The following RAP1GAP2 variants were observed in gnomAD, a reference collection of about 807,000 sequenced individuals.
RAP1GAP2 encodes the protein RAP1 GTPase activating protein 2.
In RAP1GAP2, 27 loss-of-function variants were observed where a neutral mutation model predicts 95.0. The observed-to-expected ratio is 0.28, with a 90% CI of 0.21 to 0.39. The LOEUF is 0.39. Among genes scored for constraint, RAP1GAP2 ranks in the 10% least tolerant of loss-of-function variants. The pLI is 1.00. For missense variants in RAP1GAP2, 771 were observed against 970.0 expected, an observed-to-expected ratio of 0.79 and a Z score of 2.72; for synonymous variants, 373 against 380.9, an observed-to-expected ratio of 0.98 and a Z score of 0.24.
In RAP1GAP2 at chr17:2,855,687, A is replaced by G. The variant is rs2072104209; in HGVS notation, c.81-49597A>G. Among the ~76,000 whole-genome samples the G allele has an allele frequency of 2.6e-5, 4 of 152,260 alleles. No individual in the cohort carries two copies. The highest frequency in any genetic ancestry group is 2.6e-4 in the Admixed American group (4 of 15,284). ...GAGTACAGTGGCGCCATCTCGGCCC[A>G]CTGCAACCTCCACCTCCTGGGCTCA... On this transcript the variant is annotated intron_variant, in intron 2 of 24. Transcript: ENST00000254695. The surrounding 1 kb of genome is among the most constrained non-coding windows in gnomAD (Gnocchi z 4.3).
In RAP1GAP2 at chr17:3,004,493, G is replaced by T. The variant is rs79384703; in HGVS notation, c.1201-876G>T. Among the ~76,000 whole-genome samples the T allele has an allele frequency of 2.0e-4, 31 of 152,302 alleles. No homozygotes were observed. Among genetic ancestry groups the T allele is most frequent in the Non-Finnish European group, 3.5e-4 (24 of 68,020 alleles). On this transcript the variant is annotated intron_variant, in intron 14 of 24. Coordinates refer to ENST00000254695, the MANE Select transcript of RAP1GAP2 (RefSeq NM_015085.5). The surrounding 1 kb of genome is among the most constrained non-coding windows in gnomAD (Gnocchi z 4.1). ...TGTAGGGAAGGGAGGGCAGTCTCCC[G>T]AGAGCCTCACAGCCTCGTGGGCTGA...
At chr17:2,977,123 CAAAAA>C (rs71377561) in intron 8 of RAP1GAP2, among the ~76,000 whole-genome samples, 1 of 77,668 alleles carries the variant, frequency 1.3e-5, no homozygotes, top group East Asian at 3.7e-4. Context: ...AACTCCATCT[CAAAAA>C]AAAAAAAAAG....
chr17:2,998,509 A>G, intron 14 of RAP1GAP2, 133 bp downstream of exon 14: 1 of 1,171,738 alleles, frequency 8.5e-7, no homozygotes, highest in African/African-American at 1.6e-5. Flanking sequence ...TGGGGTTTGG[A>G]GCTAGATTCT....
intron 2 of RAP1GAP2, among the ~76,000 whole-genome samples, chr17:2,858,042 G>C (rs1292208239): frequency 6.6e-6 from 1 of 152,216 alleles, no homozygotes; most frequent in Non-Finnish European, 1.5e-5. Context: ...TGAGGTTGCA[G>C]TGAGCTGAGA....
chr17:3,031,712 G>A (rs2047309300), intron 23 of RAP1GAP2, among the ~76,000 whole-genome samples: 1 of 145,942 alleles, frequency 6.9e-6, no homozygotes, highest in Non-Finnish European at 1.5e-5. Flanking sequence ...GTCCAGATGT[G>A]AGGTGGGAAG....
intron 18 of RAP1GAP2, 144 bp downstream of exon 18, chr17:3,018,342 G>A (rs943448824): frequency 1.3e-5 from 15 of 1,186,364 alleles, no homozygotes; most frequent in Admixed American, 3.1e-5. Flanking sequence ...GAGGCTGCTT[G>A]GGGGTGACCC....
At chr17:2,943,541 T>C (rs1236827966) in intron 3 of RAP1GAP2, among the ~76,000 whole-genome samples, 1 of 152,064 alleles carries the variant, frequency 6.6e-6, no homozygotes, top group Non-Finnish European at 1.5e-5. Flanking sequence ...GGCACACGCC[T>C]GTAATCTCAG....
rs1295248778 is a variant in RAP1GAP2, at chr17:2,965,703, G to A, written c.596+60G>A. 3.9e-6 allele frequency: 5 copies of A among 1,287,668 alleles called. No individual in the cohort carries two copies. The highest frequency in any genetic ancestry group is 5.5e-6 in the Non-Finnish European group (5 of 906,746). 79.8% of individuals were successfully genotyped at this position (1,287,668 alleles called of 1,614,324 possible). On this transcript the variant is annotated intron_variant, in intron 8 of 24. Coordinates refer to ENST00000254695, the MANE Select transcript of RAP1GAP2 (RefSeq NM_015085.5). This position sits in a 1 kb window ranked among gnomAD's most constrained non-coding sequence, Gnocchi z 4.7. ...TCCAGGCAGGGCTCTCATCGGTGGT[G>A]TGGGGGCTGGGATGGGACTCAGAAA...
chr17:2,927,299 A>C (rs374070106), intron 3 of RAP1GAP2, among the ~76,000 whole-genome samples: 7 of 151,502 alleles, frequency 4.6e-5, no homozygotes, highest in African/African-American at 1.7e-4. Context: ...GACTACAGGC[A>C]CCCGCCACCG....
chr17:2,992,992 C>T (rs1185680012), intron 12 of RAP1GAP2, among the ~76,000 whole-genome samples: 3 of 148,000 alleles, frequency 2.0e-5, no homozygotes, highest in South Asian at 2.1e-4. Flanking sequence ...GGGTGGATCA[C>T]GAGGTCAGGA....
intron 12 of RAP1GAP2, among the ~76,000 whole-genome samples, chr17:2,993,756 C>T (rs1231271524): frequency 1.3e-5 from 2 of 151,738 alleles, no homozygotes; most frequent in Non-Finnish European, 2.9e-5. Context: ...AAAAAACGGC[C>T]AGGCATGGTG....
Position 2,918,909 on chromosome 17 carries a change from T to C in RAP1GAP2, c.165+13541T>C, listed in dbSNP as rs575626382. Among the ~76,000 whole-genome samples, 53 of 152,288 alleles carry C rather than the reference T, an allele frequency of 3.5e-4. 1 individual carries two copies. The highest frequency in any genetic ancestry group is 3.4e-3 in the Middle Eastern group (1 of 294). On this transcript the variant is annotated intron_variant, in intron 3 of 24. Transcript: ENST00000254695. ...GCTTAAAACAGAGGTATGCAGTAAG[T>C]GCTACATAAATATTAGTCATTATTA... is the stretch of plus-strand genomic sequence containing the variant.
In RAP1GAP2 at chr17:2,832,545, G is replaced by A. The variant is rs376036194; in HGVS notation, c.80+31995G>A. Among the ~76,000 whole-genome samples the A allele has an allele frequency of 8.7e-3, 1,117 of 128,070 alleles. 11 individuals carry two copies. The highest frequency in any genetic ancestry group is 0.034 in the Middle Eastern group (6 of 178). 84.0% of individuals were successfully genotyped at this position (128,070 alleles called of 152,430 possible). A position where few individuals can be genotyped will look rare whatever the true frequency, so the allele number is the denominator to read the frequency against. ...TGCACTCCAGCCTGGGCGACAGAGC[G>A]AGACTCCATCTCAAAAAAAAAAAAA... is the stretch of plus-strand genomic sequence containing the variant. On this transcript the variant is annotated intron_variant, in intron 2 of 24. Transcript: ENST00000254695.
intron 2 of RAP1GAP2, among the ~76,000 whole-genome samples, chr17:2,815,908 C>A (rs1036521649): frequency 1.3e-5 from 2 of 152,250 alleles, no homozygotes. Flanking sequence ...ACCCAGGCCT[C>A]CCTGCTGAGG....
At chr17:2,803,572 T>G (rs2069388747) in intron 2 of RAP1GAP2, among the ~76,000 whole-genome samples, 1 of 152,200 alleles carries the variant, frequency 6.6e-6, no homozygotes, top group African/African-American at 2.4e-5. Flanking sequence ...GTGCACTCAT[T>G]CTTCCTGATT....
intron 2 of RAP1GAP2, among the ~76,000 whole-genome samples, chr17:2,831,170 C>A (rs986663986): frequency 7.3e-6 from 1 of 137,158 alleles, no homozygotes; most frequent in South Asian, 2.5e-4. Context: ...CTCTGCCTCC[C>A]GGGTTCAAGG....
At chr17:2,820,078 G>A (rs569837552) in intron 2 of RAP1GAP2, among the ~76,000 whole-genome samples, 2 of 152,080 alleles carry the variant, frequency 1.3e-5, no homozygotes, top group South Asian at 4.1e-4. Flanking sequence ...ACCACTTCTG[G>A]CCTAGTTTTT....
chr17:2,987,812 G>A (rs780580641), intron 11 of RAP1GAP2, among the ~76,000 whole-genome samples: 2 of 152,142 alleles, frequency 1.3e-5, no homozygotes, highest in Non-Finnish European at 2.9e-5. Context: ...TGAAGGCATG[G>A]AGCCCAAGTT....
chr17:2,800,876 A>G (rs1597333305), intron 2 of RAP1GAP2, among the ~76,000 whole-genome samples: 1 of 127,656 alleles, frequency 7.8e-6, no homozygotes, highest in African/African-American at 3.0e-5. Context: ...TTTGAGACGG[A>G]GTCTTGCTCT....
Sources: allele counts gnomAD v4.1 joint callset (sites outside exome capture counted in the v4.1 genomes callset), GRCh38; gene constraint gnomAD v4.1.1; non-coding constraint Gnocchi (gnomAD v3.1); transcripts MANE v1.5; gene names NCBI Gene and HGNC (gene_info 2026-07-23, HGNC 2026-07-21).